Variants in PPP4R4 observed in about 807,000 individuals in gnomAD.
The protein encoded by PPP4R4 is protein phosphatase 4 regulatory subunit 4.
Under a neutral mutation model 121.8 loss-of-function variants are expected in PPP4R4, and 70 were observed. The ratio of observed to expected loss-of-function variants is 0.57; its 90% confidence interval spans 0.47 to 0.70. PPP4R4 has a LOEUF of 0.70. Among genes scored for constraint, PPP4R4 ranks in the 30% least tolerant of loss-of-function variants. The probability of loss-of-function intolerance (pLI) is 0.00; values close to 1 mark genes in which losing one functional copy is unlikely to be tolerated. For synonymous variants in PPP4R4, 348 were observed against 355.7 expected (o/e 0.98, Z 0.24); for missense variants, 875 against 1,033.6 (o/e 0.85, Z 2.10).
chr14:94,233,290 A>ATGT (rs1354123534), intron 5 of PPP4R4, among the ~76,000 whole-genome samples: 2 of 152,224 alleles, frequency 1.3e-5, no homozygotes, highest in African/African-American at 4.8e-5. Context: ...GATACATATA[A>ATGT]AAATTAATCT....
chr14:94,265,981 A>C (rs1422838343), intron 22 of PPP4R4, 94 bp downstream of exon 22: 1 of 920,940 alleles, frequency 1.1e-6, no homozygotes, highest in Non-Finnish European at 1.6e-6. Context: ...AATCAGAATT[A>C]ATTTTGAGGT....
chr14:94,194,507 A>G (rs1262893067), intron 2 of PPP4R4, among the ~76,000 whole-genome samples: 2 of 152,238 alleles, frequency 1.3e-5, no homozygotes, highest in African/African-American at 4.8e-5. Flanking sequence ...TCAAATATTT[A>G]AAAATTACAT....
intron 17 of PPP4R4, 26 bp downstream of exon 17, chr14:94,256,630 T>C: frequency 6.5e-7 from 1 of 1,546,924 alleles, no homozygotes; most frequent in Non-Finnish European, 8.8e-7. Flanking sequence ...GCCACAATGT[T>C]GCATTTTTTG....
At chr14:94,242,522 C>A in intron 11 of PPP4R4, 114 bp downstream of exon 11, 2 of 1,050,560 alleles carry the variant, frequency 1.9e-6, no homozygotes, top group Non-Finnish European at 2.7e-6. Flanking sequence ...CTTTCATGTT[C>A]TAGTCTTAAA....
chr14:94,264,298 A>G (rs909835212), intron 19 of PPP4R4, among the ~76,000 whole-genome samples: 1 of 152,008 alleles, frequency 6.6e-6, no homozygotes, highest in Admixed American at 6.6e-5. Context: ...ACAGGCGTGC[A>G]TCACCATGCC....
intron 2 of PPP4R4, among the ~76,000 whole-genome samples, chr14:94,178,783 C>CTA (rs1888816004): frequency 5.3e-5 from 8 of 152,142 alleles, no homozygotes; most frequent in Non-Finnish European, 1.2e-4. Context: ...CAGCTTGTGT[C>CTA]TTAGTCAAAA....
At chr14:94,240,419 T>C (rs1892566434) in intron 8 of PPP4R4, among the ~76,000 whole-genome samples, 1 of 152,180 alleles carries the variant, frequency 6.6e-6, no homozygotes, top group South Asian at 2.1e-4. Flanking sequence ...AATCACTCTT[T>C]ATATTCTGTT....
chr14:94,192,911 G>A (rs1420733095), intron 2 of PPP4R4, among the ~76,000 whole-genome samples: 1 of 152,114 alleles, frequency 6.6e-6, no homozygotes, highest in African/African-American at 2.4e-5. Context: ...TAGGAGCAAG[G>A]TACAAGAATA....
In PPP4R4 at chr14:94,176,138, G is replaced by T. The variant is rs1888670042; in HGVS notation, c.191+11G>T. Reference sequence around the variant, plus strand: ...TGTTTATCTGCTCAGGTATTTCCTAGTCTTTCTGTGAAATTGCTCTTCTTT... The same window carrying T: ...TGTTTATCTGCTCAGGTATTTCCTATTCTTTCTGTGAAATTGCTCTTCTTT... On this transcript the variant is annotated intron_variant, in intron 2 of 24. Coordinates refer to ENST00000304338, the MANE Select transcript of PPP4R4 (RefSeq NM_058237.2). 1 of 1,593,484 alleles carries T rather than the reference G, an allele frequency of 6.3e-7. No homozygotes were observed. The highest frequency in any genetic ancestry group is 1.3e-5 in the African/African-American group (1 of 74,492).
rs201462347 is a variant in PPP4R4 at position 94,214,508 on chromosome 14, C to CA, written c.294+5952dup. On this transcript the variant is annotated intron_variant, in intron 3 of 24. Coordinates refer to ENST00000304338, the MANE Select transcript of PPP4R4 (RefSeq NM_058237.2). The stretch of plus-strand genomic sequence containing the variant: ...ATAGCAAGACCTTGCCTCTAAAAAA[C>CA]AAAAAAAAAACAGAAAAAAAAAGAA... 6.1e-3 allele frequency among the ~76,000 whole-genome samples: 795 copies of CA among 130,020 alleles called. 4 individuals are homozygous for CA. The highest frequency in any genetic ancestry group is 0.015 in the African/African-American group (562 of 37,878). The allele number at this position is 130,020 out of a possible 152,430, so 85.3% of individuals were successfully genotyped here. A position where few individuals can be genotyped will look rare whatever the true frequency, so the allele number is the denominator to read the frequency against.
At chr14:94,235,651 G>A (rs528308985) in intron 7 of PPP4R4, among the ~76,000 whole-genome samples, 44 of 151,638 alleles carry the variant, frequency 2.9e-4, no homozygotes, top group Middle Eastern at 3.4e-3. Flanking sequence ...CGCCTGCCTC[G>A]GCCTCCCAAA....
chr14:94,259,877 A>G (rs1317717800), intron 19 of PPP4R4, among the ~76,000 whole-genome samples: 4 of 152,216 alleles, frequency 2.6e-5, no homozygotes, highest in African/African-American at 9.6e-5. Flanking sequence ...ATATTATCGT[A>G]TGCATCAAGA....
At chr14:94,217,053 A>G in intron 3 of PPP4R4, among the ~76,000 whole-genome samples, 1 of 152,160 alleles carries the variant, frequency 6.6e-6, no homozygotes, top group East Asian at 1.9e-4. Flanking sequence ...AAAAAGTTAC[A>G]TTCCTGAGGC....
At chr14:94,177,290 A>G (rs1192567326) in intron 2 of PPP4R4, among the ~76,000 whole-genome samples, 2 of 152,146 alleles carry the variant, frequency 1.3e-5, no homozygotes, top group Non-Finnish European at 2.9e-5. Flanking sequence ...TATCTGTGGT[A>G]GCATGCTCTC....
chr14:94,252,708 T>C (rs994198538), intron 16 of PPP4R4, among the ~76,000 whole-genome samples: 1 of 152,214 alleles, frequency 6.6e-6, no homozygotes, highest in Non-Finnish European at 1.5e-5. Context: ...AACTCAGATC[T>C]GCAGGAAAGA....
At chr14:94,261,977 G>GA (rs1466740964) in intron 19 of PPP4R4, among the ~76,000 whole-genome samples, 1 of 151,938 alleles carries the variant, frequency 6.6e-6, no homozygotes, top group Non-Finnish European at 1.5e-5. Flanking sequence ...TGTATTCATA[G>GA]ATTCATAGTG....
chr14:94,265,546 C>T, intron 21 of PPP4R4, 73 bp downstream of exon 21: 1 of 1,283,676 alleles, frequency 7.8e-7, no homozygotes, highest in Non-Finnish European at 1.1e-6. Context: ...GAAAGTCACT[C>T]TATTAGATGA....
intron 2 of PPP4R4, among the ~76,000 whole-genome samples, chr14:94,203,654 A>G (rs1567113007): frequency 2.0e-5 from 3 of 152,330 alleles, no homozygotes; most frequent in Non-Finnish European, 2.9e-5. Context: ...CAGAGTGGCT[A>G]TACCGGCTTA....
At chr14:94,194,424 T>G (rs1384085999) in intron 2 of PPP4R4, among the ~76,000 whole-genome samples, 1 of 152,176 alleles carries the variant, frequency 6.6e-6, no homozygotes, top group Non-Finnish European at 1.5e-5. Context: ...TGCCGGCTTT[T>G]CAATAGGAAG....
Sources: allele counts gnomAD v4.1 joint callset (sites outside exome capture counted in the v4.1 genomes callset), GRCh38; gene constraint gnomAD v4.1.1; transcripts MANE v1.5; gene names NCBI Gene and HGNC (gene_info 2026-07-23, HGNC 2026-07-21).